The following PTPRQ variants were observed in gnomAD, a reference collection of about 807,000 sequenced individuals.
PTPRQ encodes the protein protein tyrosine phosphatase receptor type Q.
Under a neutral mutation model 246.0 loss-of-function variants are expected in PTPRQ, and 199 were observed. The ratio of observed to expected loss-of-function variants is 0.81; its 90% CI spans 0.72 to 0.91. The LOEUF (loss-of-function observed/expected upper bound fraction) is 0.91, where lower values mean the gene tolerates loss of function less well. Among genes scored for constraint, PTPRQ ranks in the 40% least tolerant of loss-of-function variants. The pLI is 0.00. For synonymous variants in PTPRQ, 869 were observed against 853.2 expected (o/e 1.02, Z -0.32); for missense variants, 2,624 against 2,528.4 (o/e 1.04, Z -0.81).
chr12:80,520,850 T>A (rs1895459077), intron 17 of PTPRQ, among the ~76,000 whole-genome samples: 1 of 151,940 alleles, frequency 6.6e-6, no homozygotes, highest in African/African-American at 2.4e-5. Flanking sequence ...TAGAAGCATG[T>A]TTTATAATCC....
chr12:80,466,818 A>G (rs1367808099), intron 6 of PTPRQ, among the ~76,000 whole-genome samples: 1 of 152,172 alleles, frequency 6.6e-6, no homozygotes, highest in African/African-American at 2.4e-5. Context: ...AGAAAGCTGA[A>G]ACTGGATCCC....
chr12:80,487,023 G>T (rs1592571507), intron 9 of PTPRQ, among the ~76,000 whole-genome samples: 1 of 152,094 alleles, frequency 6.6e-6, no homozygotes, highest in East Asian at 1.9e-4. Flanking sequence ...TAGTGAAGAT[G>T]TTCCACAGAG....
At chr12:80,622,170 A>G (rs1228007042) in intron 33 of PTPRQ, 36 bp downstream of exon 33, 2 of 1,327,428 alleles carry the variant, frequency 1.5e-6, no homozygotes, top group Non-Finnish European at 2.0e-6. Context: ...TAATCTCAAC[A>G]TATTTATCAA....
chr12:80,540,282 C>T (rs1168069238), intron 20 of PTPRQ, among the ~76,000 whole-genome samples: 1 of 152,014 alleles, frequency 6.6e-6, no homozygotes, highest in Non-Finnish European at 1.5e-5. Context: ...CTTAAAAAAT[C>T]TCTAGCAACT....
At chr12:80,667,814 GA>G (rs1267383251) in intron 39 of PTPRQ, among the ~76,000 whole-genome samples, 42 of 151,808 alleles carry the variant, frequency 2.8e-4, no homozygotes, top group African/African-American at 9.7e-4. Context: ...TTTTTAATAA[GA>G]AAAGATCCCT....
rs150597481 is a variant in PTPRQ at position 80,627,767 on chromosome 12, T to C, written c.5687-4425T>C. The stretch of plus-strand genomic sequence containing the variant: ...TGCACCTACTACAAAAAGAAACATG[T>C]TTATATTTTTAAGTAAAAGAATTCC... On this transcript the variant is annotated intron_variant, in intron 33 of 44. Transcript: ENST00000644991. Among the ~76,000 whole-genome samples, 299 of 152,198 alleles carry C rather than the reference T, an allele frequency of 2.0e-3. 3 individuals carry two copies. The highest frequency in any genetic ancestry group is 7.0e-3 in the African/African-American group (291 of 41,564).
chr12:80,671,680 G>A (rs1004011394), intron 42 of PTPRQ, among the ~76,000 whole-genome samples: 4 of 152,048 alleles, frequency 2.6e-5, no homozygotes, highest in Non-Finnish European at 4.4e-5. Flanking sequence ...CAGACTGAAT[G>A]ACTAAAAAGT....
At chr12:80,677,921 A>T (rs1406750530) in intron 43 of PTPRQ, among the ~76,000 whole-genome samples, 1 of 151,994 alleles carries the variant, frequency 6.6e-6, no homozygotes, top group East Asian at 1.9e-4. Flanking sequence ...ACTACTTTTG[A>T]TAAGGTCCAA....
intron 24 of PTPRQ, 22 bp from the exon 25 acceptor site, chr12:80,549,443 G>T: frequency 6.6e-7 from 1 of 1,524,748 alleles, no homozygotes; most frequent in Admixed American, 2.0e-5. Context: ...CTTTAACTTT[G>T]GGCATATGTT....
At chr12:80,575,839 CAAAAAAA>C (rs201432092) in intron 25 of PTPRQ, among the ~76,000 whole-genome samples, 29 of 47,142 alleles carry the variant, frequency 6.2e-4, no homozygotes, top group Non-Finnish European at 6.7e-4. Context: ...AACCCCATCT[CAAAAAAA>C]AAAAAAAAAA....
chr12:80,534,773 G>A, intron 18 of PTPRQ, 119 bp from the exon 19 acceptor site: 1 of 1,270,632 alleles, frequency 7.9e-7, no homozygotes, highest in Non-Finnish European at 1.1e-6. Context: ...TCTAATTCAA[G>A]CTTTTTTGAA....
chr12:80,496,570 G>A, intron 14 of PTPRQ, 39 bp downstream of exon 14: 1 of 1,513,520 alleles, frequency 6.6e-7, no homozygotes, highest in South Asian at 1.3e-5. Context: ...ATAATACACA[G>A]TGATATAGTA....
chr12:80,654,031 CTTT>C (rs959148491), intron 38 of PTPRQ, among the ~76,000 whole-genome samples: 11 of 149,846 alleles, frequency 7.3e-5, no homozygotes, highest in Non-Finnish European at 1.5e-5. Flanking sequence ...TTCTTTCTTT[CTTT>C]TTTTTCTTTC....
Position 80,670,397 on chromosome 12 carries a change from T to C in PTPRQ, c.6507T>C (p.His2169=), listed in dbSNP as rs142837585. The C allele has an allele frequency of 3.9e-5, 60 of 1,551,142 alleles. No homozygotes were observed. In the East Asian group the frequency reaches 1.5e-3, roughly 38 times the overall value. Residue 2169 remains histidine, a synonymous_variant, in exon 42 of 45, where the codon CAT becomes CAC. Transcript: ENST00000644991. The part of the protein sequence containing the change: ...RQCNFTAWPE[H]GVPENSAPLI... Reference sequence around the variant, plus strand: ...GTAACTTTACTGCCTGGCCAGAGCATGGGGTTCCTGAGAACAGCGCCCCTC... The same window carrying C: ...GTAACTTTACTGCCTGGCCAGAGCACGGGGTTCCTGAGAACAGCGCCCCTC...
intron 27 of PTPRQ, among the ~76,000 whole-genome samples, chr12:80,606,937 A>G (rs911001696): frequency 1.3e-5 from 2 of 150,992 alleles, no homozygotes; most frequent in African/African-American, 4.8e-5. Context: ...TAATGAAAAT[A>G]GTTCTCCCTT....
chr12:80,624,458 T>C (rs1899119259), intron 33 of PTPRQ, among the ~76,000 whole-genome samples: 1 of 152,188 alleles, frequency 6.6e-6, no homozygotes, highest in Non-Finnish European at 1.5e-5. Context: ...TATTCTGGAT[T>C]GACCACATGG....
At chr12:80,583,789 C>T (rs1207657588) in intron 25 of PTPRQ, 1 of 152,218 alleles carries the variant, frequency 6.6e-6, no homozygotes, top group Non-Finnish European at 1.5e-5. Flanking sequence ...CTGAAGTCAA[C>T]TTGTCAGTCA....
chr12:80,620,385 A>G lies in PTPRQ; in HGVS notation c.5612+9A>G, dbSNP rs1436970446. The G allele has an allele frequency of 3.2e-6, 5 of 1,548,008 alleles. No homozygotes were observed. In the African/African-American group the frequency reaches 5.5e-5, roughly 17 times the overall value. The stretch of plus-strand genomic sequence containing the variant: ...CCAAAAAAGCAATACTTGTAAGTAT[A>G]GGTTATATCTACCATGCATTCTGTT... On this transcript the variant is annotated intron_variant, in intron 32 of 44. Coordinates refer to ENST00000644991, the MANE Select transcript of PTPRQ (RefSeq NM_001145026.2).
Position 80,678,732 on chromosome 12 carries a change from A to G in PTPRQ, c.6862+7A>G. On this transcript the variant is annotated splice_region_variant and intron_variant, in intron 44 of 44. Coordinates refer to ENST00000644991, the MANE Select transcript of PTPRQ (RefSeq NM_001145026.2). ...TCTTTGGACGCCATGGAAGGTAAAC[A>G]GAAACAACAGTATATGCCCAGCTTA... The G allele has an allele frequency of 6.5e-7, 1 of 1,547,512 alleles. No homozygotes were observed. The highest frequency in any genetic ancestry group is 8.7e-7 in the Non-Finnish European group (1 of 1,144,924).
Sources: gnomAD v4.1 joint callset for allele counts (sites outside exome capture counted in the v4.1 genomes callset) on GRCh38, gnomAD v4.1.1 for gene constraint, MANE v1.5 for transcripts, NCBI Gene and HGNC (gene_info 2026-07-23, HGNC 2026-07-21) for gene names.